The following MAST4 variants were observed in gnomAD, a reference collection of about 807,000 sequenced individuals.
MAST4 encodes microtubule associated serine/threonine kinase family member 4.
MAST4 carries 89 observed loss-of-function variants against 162.7 expected under a neutral mutation model. That is an observed-to-expected ratio of 0.55 (90% confidence interval 0.46 to 0.65). The LOEUF (loss-of-function observed/expected upper bound fraction) is 0.65. MAST4 is among the 30% of genes least tolerant of loss of function. The pLI, the probability that MAST4 is intolerant of heterozygous loss-of-function variation, is 0.00. For synonymous variants in MAST4, 1,479 were observed against 1,361.1 expected, an observed-to-expected ratio of 1.09 and a Z score of -1.91; for missense variants, 3,153 against 3,374.0, an observed-to-expected ratio of 0.93 and a Z score of 1.62.
At chr5:66,977,606 C>T (rs1748313143) in intron 4 of MAST4, among the ~76,000 whole-genome samples, 1 of 152,132 alleles carries the variant, frequency 6.6e-6, no homozygotes, top group Admixed American at 6.5e-5. Flanking sequence ...CCATAAATCC[C>T]TCATAATAGC....
intron 3 of MAST4, among the ~76,000 whole-genome samples, chr5:66,852,038 TATATA>T (rs1297333058): frequency 1.3e-5 from 2 of 152,186 alleles, no homozygotes; most frequent in African/African-American, 4.8e-5. Context: ...ATTTTGAAAA[TATATA>T]ATAATCTACC....
chr5:67,072,666 T>G (rs1168674003), intron 5 of MAST4, among the ~76,000 whole-genome samples: 1 of 152,192 alleles, frequency 6.6e-6, no homozygotes, highest in Admixed American at 6.5e-5. Context: ...TGAAGTAGGT[T>G]GTATACAAGA....
chr5:67,019,191 T>C (rs769364479), intron 4 of MAST4, among the ~76,000 whole-genome samples: 1 of 152,150 alleles, frequency 6.6e-6, no homozygotes, highest in Non-Finnish European at 1.5e-5. Context: ...TGATGGTAAA[T>C]CCTGGGGCAC....
rs568343963 is a variant in MAST4, at chr5:67,040,886, G to A, written c.675-13518G>A. 4.4e-4 allele frequency among the ~76,000 whole-genome samples: 67 copies of A among 152,312 alleles called. No homozygotes were observed. The South Asian group carries it at 0.013, about 31-fold the overall frequency. On this transcript the variant is annotated intron_variant, in intron 4 of 28. Coordinates refer to ENST00000403625, the MANE Select transcript of MAST4 (RefSeq NM_001164664.2). ...CAGGTTCTGAAGGCAGACTGCCTGG[G>A]TTTAGATCCCGGTTCTCCCACTTAC...
intron 3 of MAST4, among the ~76,000 whole-genome samples, chr5:66,812,814 G>A (rs901157747): frequency 1.3e-5 from 2 of 152,154 alleles, no homozygotes; most frequent in Non-Finnish European, 2.9e-5. Context: ...GTTGTTACCT[G>A]CTCCTGCTCC....
chr5:67,141,416 T>C (rs1395395097), intron 19 of MAST4, among the ~76,000 whole-genome samples: 1 of 152,238 alleles, frequency 6.6e-6, no homozygotes, highest in South Asian at 2.1e-4. Context: ...GTGTTCATAT[T>C]TTTGATGACC....
chr5:66,907,599 TGTG>T (rs1763462744), intron 4 of MAST4, among the ~76,000 whole-genome samples: 3 of 135,320 alleles, frequency 2.2e-5, no homozygotes, highest in Admixed American at 7.1e-5. Flanking sequence ...TGTGTGTGTG[TGTG>T]TGTGTGTGTG....
chr5:66,843,984 C>A (rs1157642786), intron 3 of MAST4, among the ~76,000 whole-genome samples: 2 of 152,014 alleles, frequency 1.3e-5, no homozygotes, highest in African/African-American at 2.4e-5. Flanking sequence ...TGGTGGTGCC[C>A]AGTGGCTGCA....
At chr5:66,784,523 A>G (rs1051012780) in intron 2 of MAST4, among the ~76,000 whole-genome samples, 7 of 152,318 alleles carry the variant, frequency 4.6e-5, no homozygotes, top group African/African-American at 1.7e-4. Flanking sequence ...AAATAATAAA[A>G]TATGACAGAT....
At chr5:66,610,282 A>G (rs1743206445) in intron 1 of MAST4, among the ~76,000 whole-genome samples, 1 of 152,122 alleles carries the variant, frequency 6.6e-6, no homozygotes, top group Non-Finnish European at 1.5e-5. Flanking sequence ...ATTTTGGATT[A>G]GGGCTTACCC....
At chr5:66,884,828 GAGTTGTGCCTTCTCACT>G (rs1202179377) in intron 3 of MAST4, among the ~76,000 whole-genome samples, 5 of 152,232 alleles carry the variant, frequency 3.3e-5, no homozygotes, top group African/African-American at 1.2e-4. Flanking sequence ...GCCGCCGGCA[GAGTTGTGCCTTCTCACT>G]AGTGGTAATC....
At chr5:67,145,899 T>A (rs911248549) in intron 23 of MAST4, among the ~76,000 whole-genome samples, 2 of 152,148 alleles carry the variant, frequency 1.3e-5, no homozygotes, top group African/African-American at 4.8e-5. Flanking sequence ...TGTTAAAGGG[T>A]TATGTTGTAC....
chr5:66,829,262 T>A (rs2149752385), intron 3 of MAST4, among the ~76,000 whole-genome samples: 1 of 152,188 alleles, frequency 6.6e-6, no homozygotes, highest in East Asian at 1.9e-4. Context: ...GACTCAGTTT[T>A]GTGTCGGGAT....
chr5:66,922,334 T>C (rs35717525), intron 4 of MAST4, among the ~76,000 whole-genome samples: 1,788 of 152,350 alleles, frequency 0.012, 30 homozygotes, highest in South Asian at 0.053. Context: ...GTGACCCTTA[T>C]TCTCTGTGCC....
At chr5:67,136,270 C>T (rs1300221662) in intron 18 of MAST4, among the ~76,000 whole-genome samples, 1 of 152,162 alleles carries the variant, frequency 6.6e-6, no homozygotes, top group Non-Finnish European at 1.5e-5. Context: ...GAAGCCAATT[C>T]TTTGAAAGAA....
chr5:67,022,123 A>C (rs910996587), intron 4 of MAST4, among the ~76,000 whole-genome samples: 1 of 152,234 alleles, frequency 6.6e-6, no homozygotes, highest in African/African-American at 2.4e-5. Context: ...TTATGCCAGC[A>C]TAGTGCCTGG....
chr5:66,836,807 G>A (rs1217775480), intron 3 of MAST4, among the ~76,000 whole-genome samples: 1 of 151,928 alleles, frequency 6.6e-6, no homozygotes, highest in African/African-American at 2.4e-5. Context: ...TTGGGAGGAG[G>A]GTGAGGACAA....
intron 1 of MAST4, among the ~76,000 whole-genome samples, chr5:66,683,484 C>A (rs1426518499): frequency 6.6e-6 from 1 of 152,132 alleles, no homozygotes; most frequent in Non-Finnish European, 1.5e-5. Context: ...TTTACACGTC[C>A]TGTCCTGTCC....
chr5:66,649,532 T>A (rs1188698072), intron 1 of MAST4, among the ~76,000 whole-genome samples: 1 of 152,160 alleles, frequency 6.6e-6, no homozygotes, highest in Non-Finnish European at 1.5e-5. Context: ...TTCTTTTCAT[T>A]ATAGTAGCTC....
Sources: allele counts gnomAD v4.1 joint callset (sites outside exome capture counted in the v4.1 genomes callset), GRCh38; gene constraint gnomAD v4.1.1; transcripts MANE v1.5; gene names NCBI Gene and HGNC (gene_info 2026-07-23, HGNC 2026-07-21).